Variants in DBF4 observed in about 807,000 individuals in gnomAD.
DBF4 encodes DBF4-CDC7 kinase regulatory subunit, also known as protein DBF4 homolog A.
Under a neutral mutation model 76.6 loss-of-function variants are expected in DBF4, and 25 were observed. That is an observed-to-expected ratio of 0.33 (90% CI 0.24 to 0.46). The LOEUF (loss-of-function observed/expected upper bound fraction) is 0.46. DBF4 is among the 20% of genes least tolerant of loss of function. The pLI is 1.00. For missense variants in DBF4, 638 were observed against 760.8 expected (o/e 0.84, Z 1.90); for synonymous variants, 213 against 258.0 (o/e 0.83, Z 1.67).
intron 8 of DBF4, 102 bp downstream of exon 8, chr7:87,897,441 T>C: frequency 9.1e-7 from 1 of 1,104,232 alleles, no homozygotes; most frequent in Non-Finnish European, 1.3e-6. Context: ...GGTTCCTTTG[T>C]GTTTGATTTA....
At chr7:87,890,689 G>C (rs991593588) in intron 6 of DBF4, among the ~76,000 whole-genome samples, 3 of 152,138 alleles carry the variant, frequency 2.0e-5, no homozygotes, top group African/African-American at 4.8e-5. Flanking sequence ...TCAGTGTCTT[G>C]AGTCTAGTAT....
At chr7:87,883,933 T>G (rs1839279856) in intron 2 of DBF4, among the ~76,000 whole-genome samples, 1 of 152,232 alleles carries the variant, frequency 6.6e-6, no homozygotes, top group African/African-American at 2.4e-5. Flanking sequence ...GTAATTCTAC[T>G]TAGTATTTAC....
At chr7:87,905,163 T>A (rs1259638682) in intron 11 of DBF4, among the ~76,000 whole-genome samples, 1 of 152,218 alleles carries the variant, frequency 6.6e-6, no homozygotes, top group African/African-American at 2.4e-5. Context: ...TTGGCTGACT[T>A]TTCCTGTAAA....
chr7:87,890,171 A>G (rs1295801153), intron 6 of DBF4, among the ~76,000 whole-genome samples: 1 of 152,162 alleles, frequency 6.6e-6, no homozygotes, highest in Non-Finnish European at 1.5e-5. Flanking sequence ...TGGTATTTTC[A>G]TTTCTTAAAA....
intron 4 of DBF4, 46 bp from the exon 5 acceptor site, chr7:87,887,283 T>C (rs1839380121): frequency 7.6e-7 from 1 of 1,311,956 alleles, no homozygotes; most frequent in Non-Finnish European, 1.1e-6. Flanking sequence ...ATTTAGCTCA[T>C]CTTAAATAAT....
intron 2 of DBF4, among the ~76,000 whole-genome samples, chr7:87,881,144 C>A (rs114453378): frequency 6.6e-6 from 1 of 152,190 alleles, no homozygotes; most frequent in Non-Finnish European, 1.5e-5. Context: ...CGGAGGCTCA[C>A]GCATGTAATC....
intron 6 of DBF4, among the ~76,000 whole-genome samples, chr7:87,890,495 T>TGCAG (rs1484699953): frequency 1.3e-5 from 2 of 152,148 alleles, no homozygotes; most frequent in African/African-American, 4.8e-5. Context: ...TCACCCCCAC[T>TGCAG]GCAGTCCAGC....
intron 2 of DBF4, among the ~76,000 whole-genome samples, chr7:87,881,398 CTG>C (rs1262456269): frequency 2.0e-5 from 3 of 152,210 alleles, no homozygotes; most frequent in South Asian, 2.1e-4. Flanking sequence ...CAGAGCGAGA[CTG>C]TGTCTCAAAA....
intron 3 of DBF4, among the ~76,000 whole-genome samples, chr7:87,886,260 C>T (rs950560811): frequency 1.2e-4 from 19 of 152,010 alleles, no homozygotes; most frequent in African/African-American, 4.6e-4. Context: ...CGGCTGGGTG[C>T]GGTGGCTCAC....
At chr7:87,881,565 T>C (rs1403331125) in intron 2 of DBF4, among the ~76,000 whole-genome samples, 1 of 152,260 alleles carries the variant, frequency 6.6e-6, no homozygotes, top group Non-Finnish European at 1.5e-5. Context: ...TTGTGGGTTT[T>C]GTTCACACAC....
intron 10 of DBF4, 51 bp from the exon 11 acceptor site, chr7:87,904,239 ATC>A: frequency 6.5e-7 from 1 of 1,538,238 alleles, no homozygotes; most frequent in South Asian, 1.3e-5. Flanking sequence ...TTAAAAAGGC[ATC>A]TCTTGATTTT....
Position 87,908,238 on chromosome 7 carries a change from T to G in DBF4, c.*75T>G, listed in dbSNP as rs1839958955. On this transcript the variant is annotated 3_prime_UTR_variant, in exon 12 of 12. Coordinates refer to ENST00000265728, the MANE Select transcript of DBF4 (RefSeq NM_006716.4). ...AATTTTTATAAATATGTATGGAAAT[T>G]CTTAGGATTTTTTTACCAGCTTTGT... 2 of 1,337,162 alleles carry G rather than the reference T, an allele frequency of 1.5e-6. No individual in the cohort carries two copies. The highest frequency in any genetic ancestry group is 2.1e-5 in the South Asian group (1 of 48,106). 82.8% of individuals were successfully genotyped at this position (1,337,162 alleles called of 1,614,324 possible).
chr7:87,908,044 A>G lies in DBF4; in HGVS notation c.1906A>G (p.Ser636Gly), dbSNP rs767177771. ...EEKSEFLGFTSYTEKSGICNV... is the reference protein window; with the variant it reads ...EEKSEFLGFTGYTEKSGICNV... ...GAAATCAGAATTTTTGGGTTTCACA[A>G]GCTACACAGAAAAGAGTGGTATATG... Residue 636 changes from serine (S) to glycine (G), a missense_variant, in exon 12 of 12, where the codon AGC (serine) becomes GGC (glycine). Transcript: ENST00000265728. The G allele has an allele frequency of 1.6e-5, 26 of 1,613,706 alleles. No homozygotes were observed. Among genetic ancestry groups the G allele is most frequent in the Non-Finnish European group, 1.9e-5 (23 of 1,179,792 alleles).
intron 2 of DBF4, among the ~76,000 whole-genome samples, chr7:87,883,548 T>C (rs1181248334): frequency 6.6e-6 from 1 of 152,218 alleles, no homozygotes; most frequent in East Asian, 1.9e-4. Flanking sequence ...GAATTATTTG[T>C]ATTATTGCCT....
At chr7:87,878,386 C>A (rs1410031798) in intron 2 of DBF4, 161 bp downstream of exon 2, 1 of 608,416 alleles carries the variant, frequency 1.6e-6, no homozygotes. Flanking sequence ...TTTGTTTTAA[C>A]CTTTTGTGGA....
chr7:87,887,855 A>G (rs1002825575), intron 5 of DBF4, 128 bp from the exon 6 acceptor site: 23 of 937,514 alleles, frequency 2.5e-5, no homozygotes, highest in Non-Finnish European at 3.0e-5. Context: ...GGAGACAAAC[A>G]TTCAGACCAT....
intron 3 of DBF4, among the ~76,000 whole-genome samples, chr7:87,885,494 A>G (rs933852043): frequency 2.6e-5 from 4 of 152,268 alleles, no homozygotes; most frequent in African/African-American, 9.6e-5. Flanking sequence ...GGGGTCAGCA[A>G]ACTCTGGCCC....
At chr7:87,892,988 A>G (rs1410002946) in intron 6 of DBF4, among the ~76,000 whole-genome samples, 1 of 152,202 alleles carries the variant, frequency 6.6e-6, no homozygotes, top group Non-Finnish European at 1.5e-5. Flanking sequence ...AAGAAAATGT[A>G]TATTCTGCTG....
In DBF4 at chr7:87,908,332, A is replaced by G. The variant is rs1839960583; in HGVS notation, c.*169A>G. On this transcript the variant is annotated 3_prime_UTR_variant, in exon 12 of 12. Transcript: ENST00000265728. ...TTCTACAGAATTGAATACCTGTTAA[A>G]GAAAAATTACAGAATAAACTTGTGA... 1.7e-6 allele frequency: 1 copy of G among 597,498 alleles called. No homozygotes were observed. The allele number at this position is 597,498 out of a possible 1,614,324, so 37.0% of individuals were successfully genotyped here.
Sources: allele counts gnomAD v4.1 joint callset (sites outside exome capture counted in the v4.1 genomes callset), GRCh38; gene constraint gnomAD v4.1.1; transcripts MANE v1.5; gene names NCBI Gene and HGNC (gene_info 2026-07-23, HGNC 2026-07-21).